Variants in ADAMTSL1 observed in about 807,000 individuals in gnomAD.
ADAMTSL1 encodes ADAMTS like 1, also known as ADAMTS-like protein 1.
A neutral mutation model predicts 201.8 loss-of-function variants in ADAMTSL1; 126 were observed. The ratio of observed to expected loss-of-function variants is 0.62; its 90% confidence interval spans 0.54 to 0.72. The LOEUF is 0.72. Among genes scored for constraint, ADAMTSL1 ranks in the 30% least tolerant of loss-of-function variants. The probability of loss-of-function intolerance (pLI) is 0.00; values close to 1 mark genes in which losing one functional copy is unlikely to be tolerated. For synonymous variants in ADAMTSL1, 1,121 were observed against 903.4 expected (o/e 1.24, Z -4.32); for missense variants, 2,679 against 2,277.8 (o/e 1.18, Z -3.59).
chr9:18,222,332 T>A (rs1830290676), intron 2 of ADAMTSL1, among the ~76,000 whole-genome samples: 1 of 151,884 alleles, frequency 6.6e-6, no homozygotes, highest in African/African-American at 2.4e-5. Flanking sequence ...TATCTGTTAC[T>A]TTTTTGTTGC....
At chr9:18,208,071 T>A (rs923604386) in intron 2 of ADAMTSL1, among the ~76,000 whole-genome samples, 2 of 152,142 alleles carry the variant, frequency 1.3e-5, no homozygotes, top group Non-Finnish European at 2.9e-5. Context: ...TTTTCTTGCC[T>A]ATGAAATGGA....
intron 1 of ADAMTSL1, among the ~76,000 whole-genome samples, chr9:17,976,951 G>T (rs187298275): frequency 8.5e-5 from 13 of 152,076 alleles, no homozygotes; most frequent in Admixed American, 4.6e-4. Context: ...TGAGTATGGT[G>T]TTAGTTGTGG....
chr9:18,846,618 G>A (rs566079400), intron 23 of ADAMTSL1, among the ~76,000 whole-genome samples: 9 of 152,266 alleles, frequency 5.9e-5, no homozygotes, highest in East Asian at 1.9e-4. Flanking sequence ...TCTAACTTGC[G>A]TTTTTAAAAG....
At chr9:18,200,231 T>G (rs1376982332) in intron 2 of ADAMTSL1, among the ~76,000 whole-genome samples, 2 of 152,018 alleles carry the variant, frequency 1.3e-5, no homozygotes, top group Admixed American at 1.3e-4. Context: ...ATCAAGAGTT[T>G]GAGATCAGCC....
intron 1 of ADAMTSL1, among the ~76,000 whole-genome samples, chr9:17,934,992 C>G (rs866761722): frequency 2.8e-4 from 42 of 150,754 alleles, no homozygotes; most frequent in African/African-American, 9.5e-4. Flanking sequence ...TATTATTTGC[C>G]CCTTCAGTTA....
chr9:18,011,959 A>G (rs960796973), intron 1 of ADAMTSL1, among the ~76,000 whole-genome samples: 2 of 152,004 alleles, frequency 1.3e-5, no homozygotes, highest in Non-Finnish European at 2.9e-5. Flanking sequence ...CATAGGGGCA[A>G]TCCTCCAGGA....
intron 4 of ADAMTSL1, among the ~76,000 whole-genome samples, chr9:18,606,593 T>A (rs193272431): frequency 7.7e-4 from 118 of 152,282 alleles, no homozygotes; most frequent in Non-Finnish European, 1.4e-3. Flanking sequence ...TGACATTTTT[T>A]AAAGAGACTA....
intron 2 of ADAMTSL1, among the ~76,000 whole-genome samples, chr9:18,311,191 C>T (rs1250087399): frequency 6.6e-6 from 1 of 151,658 alleles, no homozygotes; most frequent in Non-Finnish European, 1.5e-5. Context: ...ACATCACATA[C>T]TGAGGCCTGT....
chr9:18,823,743 C>G (rs942650267), intron 21 of ADAMTSL1, among the ~76,000 whole-genome samples: 1 of 152,202 alleles, frequency 6.6e-6, no homozygotes, highest in African/African-American at 2.4e-5. Context: ...AATCCCAACA[C>G]TTTGGAAGGC....
intron 13 of ADAMTSL1, among the ~76,000 whole-genome samples, chr9:18,702,817 C>T (rs889418205): frequency 1.7e-4 from 26 of 151,340 alleles, no homozygotes; most frequent in African/African-American, 4.9e-4. Flanking sequence ...GGCTGGAGTG[C>T]GGTGGCACGA....
chr9:18,124,209 A>C, intron 1 of ADAMTSL1, among the ~76,000 whole-genome samples: 1 of 148,694 alleles, frequency 6.7e-6, no homozygotes, highest in East Asian at 2.0e-4. Context: ...CAGCCTCCCG[A>C]GTAGCTGGGA....
chr9:18,298,621 C>T (rs1460810244), intron 2 of ADAMTSL1, among the ~76,000 whole-genome samples: 1 of 150,924 alleles, frequency 6.6e-6, no homozygotes, highest in Non-Finnish European at 1.5e-5. Context: ...ACCATTTCTT[C>T]TTCAAAATTA....
chr9:18,170,451 A>C (rs1827838702), intron 2 of ADAMTSL1, among the ~76,000 whole-genome samples: 1 of 152,158 alleles, frequency 6.6e-6, no homozygotes, highest in South Asian at 2.1e-4. Context: ...AATTTTAGAA[A>C]GGTACCACTT....
chr9:18,605,415 A>C (rs1423256741), intron 4 of ADAMTSL1, among the ~76,000 whole-genome samples: 1 of 152,226 alleles, frequency 6.6e-6, no homozygotes, highest in Non-Finnish European at 1.5e-5. Context: ...AACAGTTCTA[A>C]TCCCAATTGC....
chr9:18,495,925 C>G (rs1383567973), intron 1 of ADAMTSL1, among the ~76,000 whole-genome samples: 1 of 152,142 alleles, frequency 6.6e-6, no homozygotes, highest in African/African-American at 2.4e-5. Flanking sequence ...AGACAAATGA[C>G]AAATATGTAA....
At position 18,647,228 on chromosome 9, in the gene ADAMTSL1, G is replaced by A. The variant is rs191920639; in HGVS notation, c.834+7817G>A. ...AGTTTGTATTTCTGTGGGATCGGTGGTGATATCCCCTTTATCATTTTTTAT... is the reference window on the plus strand; with the variant it reads ...AGTTTGTATTTCTGTGGGATCGGTGATGATATCCCCTTTATCATTTTTTAT... On this transcript the variant is annotated intron_variant, in intron 7 of 28. Coordinates refer to ENST00000380548, the MANE Select transcript of ADAMTSL1 (RefSeq NM_001040272.6). 6.0e-3 allele frequency among the ~76,000 whole-genome samples: 920 copies of A among 152,222 alleles called. 6 individuals are homozygous for A. The highest frequency in any genetic ancestry group is 0.02 in the African/African-American group (848 of 41,548).
chr9:18,671,497 T>A (rs1255210637), intron 9 of ADAMTSL1, among the ~76,000 whole-genome samples: 1 of 152,070 alleles, frequency 6.6e-6, no homozygotes, highest in East Asian at 1.9e-4. Context: ...AACTGAGTGG[T>A]GAAGGTAGCC....
At chr9:18,176,626 G>A (rs1250321363) in intron 2 of ADAMTSL1, among the ~76,000 whole-genome samples, 1 of 152,096 alleles carries the variant, frequency 6.6e-6, no homozygotes, top group Non-Finnish European at 1.5e-5. Context: ...TTGTTAAAAT[G>A]ATGCAATTTA....
intron 2 of ADAMTSL1, among the ~76,000 whole-genome samples, chr9:18,231,024 A>T (rs1259526399): frequency 6.6e-6 from 1 of 152,078 alleles, no homozygotes; most frequent in Middle Eastern, 3.2e-3. Flanking sequence ...TTCCTTTCTT[A>T]TGCCTCCTCA....
Sources: gnomAD v4.1 joint callset for allele counts (sites outside exome capture counted in the v4.1 genomes callset) on GRCh38, gnomAD v4.1.1 for gene constraint, MANE v1.5 for transcripts, NCBI Gene and HGNC (gene_info 2026-07-23, HGNC 2026-07-21) for gene names.